Variants in RECQL4 observed in about 807,000 individuals in gnomAD.
The protein encoded by RECQL4 is ATP-dependent DNA helicase Q4.
RECQL4 carries 158 observed loss-of-function variants against 128.6 expected under a neutral mutation model. The observed-to-expected ratio is 1.23, with a 90% CI of 1.08 to 1.40. The LOEUF (loss-of-function observed/expected upper bound fraction) is 1.40. Ranked by LOEUF, RECQL4 falls within the 40% of genes most tolerant of loss-of-function variation. RECQL4 has a pLI of 0.00. For synonymous variants in RECQL4, 996 were observed against 678.9 expected (o/e 1.47, Z -7.26); for missense variants, 2,293 against 1,649.8 (o/e 1.39, Z -6.75).
Position 144,516,727 on chromosome 8 carries a change from C to T in RECQL4, c.392G>A (p.Gly131Glu), listed in dbSNP as rs542844885. The change falls in exon 5 of 21, where the codon GGA (glycine) becomes GAA (glutamate). Residue 131 changes from glycine to glutamate, a missense_variant. Physicochemically the swap from Gly to Glu is moderately conservative, Grantham distance 98. Transcript: ENST00000617875. ...PALGRRPWPL[G>E]RASSKASTPK... is the part of the protein sequence containing the mutation. ...GGTGGATGCCTTAGATGAGGCTCTT[C>T]CTAGAGGCCACGGTCTGCGGCCCAG... 45 of 1,535,250 alleles carry T rather than the reference C, an allele frequency of 2.9e-5. No homozygotes were observed. The African/African-American group carries it at 3.5e-4, about 12-fold the overall frequency.
chr8:144,512,820 C>T lies in RECQL4; in HGVS notation c.2755+27G>A, dbSNP rs766014210. The T allele has an allele frequency of 7.5e-6, 12 of 1,608,820 alleles. No homozygotes were observed. The East Asian group carries it at 1.6e-4, about 21-fold the overall frequency. On this transcript the variant is annotated intron_variant, in intron 15 of 20. Transcript: ENST00000617875. ...GGACGCGGGGACAGCCCCTCCACAC[C>T]CCTGTGGCTTACCCCAGGTTCCTCA...
rs771543750 is a variant in RECQL4 at position 144,516,304 on chromosome 8, G to A, written c.815C>T (p.Pro272Leu). 1.2e-6 allele frequency: 2 copies of A among 1,610,226 alleles called. No homozygotes were observed. The highest frequency in any genetic ancestry group is 1.7e-6 in the Non-Finnish European group (2 of 1,179,020). Residue 272 changes from proline (P) to leucine (L), a missense_variant, in exon 5 of 21, where the codon CCC becomes CTC. Coordinates refer to ENST00000617875, the MANE Select transcript of RECQL4 (RefSeq NM_004260.4). ...RRWNEEPWES[P>L]AQVQQESSQA... ...GCTGCTCTCCTGCTGGACCTGTGCG[G>A]GGCTCTCCCAGGGCTCCTCGTTCCA...
In RECQL4 at chr8:144,512,781, G is replaced by C. The variant is rs748950139; in HGVS notation, c.2756-10C>G. Reference sequence around the variant, plus strand: ...AGCAAAGTCTCGATGGCTGGGGGCAGAGCAGGGCTCAGCGGACGCGGGGAC... The same window carrying C: ...AGCAAAGTCTCGATGGCTGGGGGCACAGCAGGGCTCAGCGGACGCGGGGAC... On this transcript the variant is annotated splice_polypyrimidine_tract_variant and intron_variant, in intron 15 of 20. Transcript: ENST00000617875. 6.2e-6 allele frequency: 10 copies of C among 1,611,598 alleles called. No individual in the cohort carries two copies. The highest frequency in any genetic ancestry group is 1.3e-5 in the African/African-American group (1 of 75,066).
chr8:144,512,107 G>C, intron 18 of RECQL4, 37 bp downstream of exon 18: 1 of 1,603,120 alleles, frequency 6.2e-7, no homozygotes, highest in Non-Finnish European at 8.5e-7. Context: ...ACTGCGGGAG[G>C]GTGGATGGTC....
rs767427869 is a variant in RECQL4, at chr8:144,513,437, C to G, written c.2244G>C (p.Met748Ile). ...GTACCCGCCGCCGTTCCCGGCTGCACATGCCCGCGTGGTAGGCCTCGGCTG... is the reference window on the plus strand; with the variant it reads ...GTACCCGCCGCCGTTCCCGGCTGCAGATGCCCGCGTGGTAGGCCTCGGCTG... Reference protein sequence around the residue: ...KTTAEAYHAGMCSRERRRVQR... With the variant: ...KTTAEAYHAGICSRERRRVQR... The change falls in exon 14 of 21, where the codon ATG becomes ATC. Residue 748 changes from methionine to isoleucine, a missense_variant. Transcript: ENST00000617875. 1.9e-6 allele frequency: 3 copies of G among 1,609,678 alleles called. No homozygotes were observed. The highest frequency in any genetic ancestry group is 2.5e-6 in the Non-Finnish European group (3 of 1,179,800).
At position 144,511,729 on chromosome 8, in the gene RECQL4, C is replaced by G. The variant is rs1554895824; in HGVS notation, c.3454G>C (p.Glu1152Gln). The change falls in exon 20 of 21, where the codon GAG (glutamate) becomes CAG (glutamine). Residue 1152 changes from glutamate (E) to glutamine (Q), a missense_variant. Glu to Gln is a conservative substitution (Grantham distance 29). Coordinates refer to ENST00000617875, the MANE Select transcript of RECQL4 (RefSeq NM_004260.4). ...DIRQFLSLRP[E>Q]EKFSSRAVAR... Reference sequence around the variant, plus strand: ...ACAGCCCTGCTGGAGAACTTCTCCTCTGGCCTCAGGGACAGGAACTGGCGG... The same window carrying G: ...ACAGCCCTGCTGGAGAACTTCTCCTGTGGCCTCAGGGACAGGAACTGGCGG... 8 of 1,612,594 alleles carry G rather than the reference C, an allele frequency of 5.0e-6. No homozygotes were observed. The highest frequency in any genetic ancestry group is 6.8e-6 in the Non-Finnish European group (8 of 1,179,828).
chr8:144,517,282 G>C (rs951249041), intron 3 of RECQL4, 92 bp from the exon 4 acceptor site: 3 of 1,507,192 alleles, frequency 2.0e-6, no homozygotes, highest in East Asian at 4.9e-5. Context: ...AGCGAGGCCC[G>C]GCCCTTCTTC....
chr8:144,514,137 C>G (rs565480833), intron 11 of RECQL4, 30 bp from the exon 12 acceptor site: 31 of 1,610,242 alleles, frequency 1.9e-5, no homozygotes, highest in Non-Finnish European at 2.5e-5. Flanking sequence ...GGTGTGAGGC[C>G]GCCCAGCCCA....
chr8:144,516,048 G>A lies in RECQL4; in HGVS notation c.1071C>T (p.Asn357=), dbSNP rs747857375. ...RHDRGNYVRL[N]MKQKHYVRGR... ...CCCGCACGTAGTGTTTCTGCTTCAT[G>A]TTGAGCCGTACGTAATTGCCCCTGT... Residue 357 remains asparagine (N), a synonymous_variant, in exon 5 of 21, where the codon AAC becomes AAT. Transcript: ENST00000617875. 2.2e-5 allele frequency: 35 copies of A among 1,612,412 alleles called. No homozygotes were observed. Among genetic ancestry groups the A allele is most frequent in the Non-Finnish European group, 2.1e-5 (25 of 1,179,788 alleles).
chr8:144,512,386 G>A lies in RECQL4; in HGVS notation c.3055+6C>T, dbSNP rs779017449. The A allele has an allele frequency of 7.5e-6, 12 of 1,607,312 alleles. No individual in the cohort carries two copies. The highest frequency in any genetic ancestry group is 6.7e-5 in the East Asian group (3 of 44,760). On this transcript the variant is annotated splice_donor_region_variant and intron_variant, in intron 17 of 20. Coordinates refer to ENST00000617875, the MANE Select transcript of RECQL4 (RefSeq NM_004260.4). ...CCAGGGCGGTGTGGGGTGGGGAGAG[G>A]CGCACCTGTCCTGGGCTCGTGGTCC...
chr8:144,511,847 G>A (rs2130652951), intron 19 of RECQL4, 58 bp from the exon 20 acceptor site: 2 of 1,610,502 alleles, frequency 1.2e-6, no homozygotes, highest in African/African-American at 1.3e-5. Flanking sequence ...CATCCACAGA[G>A]CAAGCCCCAT....
In RECQL4 at chr8:144,512,962, T is replaced by C. The variant is rs776935762; in HGVS notation, c.2640A>G (p.Gln880=). The C allele has an allele frequency of 8.9e-6, 14 of 1,572,066 alleles. No homozygotes were observed. The Admixed American group carries it at 1.1e-4, about 13-fold the overall frequency. The change falls in exon 15 of 21, where the codon CAA becomes CAG. Residue 880 remains glutamine (Q), a synonymous_variant. Coordinates refer to ENST00000617875, the MANE Select transcript of RECQL4 (RefSeq NM_004260.4). ...GERPVPKYPP[Q]EAEQLSHQAA... ...CTTGGTGGCTAAGCTGCTCAGCCTC[T>C]TGAGGGGGGTACTTGGGCACAGGCC...
At chr8:144,516,838 G>C (rs569462817) in intron 4 of RECQL4, 74 bp from the exon 5 acceptor site, 4 of 1,432,138 alleles carry the variant, frequency 2.8e-6, no homozygotes, top group African/African-American at 2.9e-5. Flanking sequence ...ACCTACCTGA[G>C]TCCCCACGCT....
intron 5 of RECQL4, 29 bp downstream of exon 5, chr8:144,515,959 A>G: frequency 6.2e-7 from 1 of 1,611,560 alleles, no homozygotes; most frequent in Non-Finnish European, 8.5e-7. Context: ...GGGAAAGGGA[A>G]TGCCTGTCCT....
At position 144,512,776 on chromosome 8, in the gene RECQL4, G is replaced by A. The variant is rs541518527; in HGVS notation, c.2756-5C>T. ...AGCACAGCAAAGTCTCGATGGCTGG[G>A]GGCAGAGCAGGGCTCAGCGGACGCG... is the stretch of plus-strand genomic sequence containing the variant. On this transcript the variant is annotated splice_region_variant and splice_polypyrimidine_tract_variant and intron_variant, in intron 15 of 20. Transcript: ENST00000617875. The A allele has an allele frequency of 3.1e-6, 5 of 1,611,408 alleles. No homozygotes were observed. Among genetic ancestry groups the A allele is most frequent in the Non-Finnish European group, 4.2e-6 (5 of 1,179,696 alleles).
In RECQL4 at chr8:144,517,421, G is replaced by T. The variant is rs768035751; in HGVS notation, c.206C>A (p.Ala69Asp). The change falls in exon 3 of 21, where the codon GCC (alanine) becomes GAC (aspartate). Residue 69 changes from alanine to aspartate, a missense_variant. Transcript: ENST00000617875. ...GCGGCGGGGCCTGGGTACCTCTTCG[G>T]CCGCCGCGGGGAGCGACTCGGAGCT... Reference protein sequence around the residue: ...LRSSESLPAAAEEAPEPRCWG... With the variant: ...LRSSESLPAADEEAPEPRCWG... 9 of 1,573,648 alleles carry T rather than the reference G, an allele frequency of 5.7e-6. No homozygotes were observed. Among genetic ancestry groups the T allele is most frequent in the Non-Finnish European group, 7.7e-6 (9 of 1,165,480 alleles).
rs574326650 is a variant in RECQL4 at position 144,513,653 on chromosome 8, G to A, written c.2118C>T (p.Tyr706=). 31 of 1,574,358 alleles carry A rather than the reference G, an allele frequency of 2.0e-5. No individual in the cohort carries two copies. In the African/African-American group the frequency reaches 3.9e-4, roughly 20 times the overall value. Residue 706 remains tyrosine (Y), a synonymous_variant, in exon 13 of 21, where the codon TAC becomes TAT. Transcript: ENST00000617875. ...RFQNLDSIII[Y]CNRREDTERI... ...GCTCTGTGTCCTCGCGCCGGTTGCAGTAAATGATAATGGAATCGAGGTTTT... is the reference window on the plus strand; with the variant it reads ...GCTCTGTGTCCTCGCGCCGGTTGCAATAAATGATAATGGAATCGAGGTTTT...
chr8:144,515,285 A>C (rs1033912393), intron 7 of RECQL4, 41 bp downstream of exon 7: 11 of 1,610,222 alleles, frequency 6.8e-6, no homozygotes, highest in Non-Finnish European at 9.3e-6. Flanking sequence ...AGTCACCCCA[A>C]CCCCTCAGTG....
At position 144,513,679 on chromosome 8, in the gene RECQL4, G is replaced by C. The variant is rs994355873; in HGVS notation, c.2092C>G (p.Gln698Glu). The C allele has an allele frequency of 1.3e-6, 2 of 1,553,424 alleles. No individual in the cohort carries two copies. The highest frequency in any genetic ancestry group is 2.7e-5 in the African/African-American group (2 of 73,200). Reference sequence around the variant, plus strand: ...TAAATGATAATGGAATCGAGGTTTTGAAAACGTTTGCCTTGCAGCAGCGTC... The same window carrying C: ...TAAATGATAATGGAATCGAGGTTTTCAAAACGTTTGCCTTGCAGCAGCGTC... ...LLTLLQGKRF[Q>E]NLDSIIIYCN... Residue 698 changes from glutamine (Q) to glutamate (E), a missense_variant, in exon 13 of 21, where the codon CAA becomes GAA. Physicochemically the swap from Gln to Glu is conservative, Grantham distance 29. Transcript: ENST00000617875.
Sources: allele counts gnomAD v4.1 joint callset, GRCh38; gene constraint gnomAD v4.1.1; transcripts MANE v1.5; gene names NCBI Gene and HGNC (gene_info 2026-07-23, HGNC 2026-07-21).